The following MRTFA variants were observed in gnomAD, a reference collection of about 807,000 sequenced individuals.
MRTFA encodes the protein myocardin related transcription factor A.
MRTFA carries 20 observed loss-of-function variants against 83.5 expected under a neutral mutation model. That is an observed-to-expected ratio of 0.24 (90% CI 0.17 to 0.35). MRTFA has a LOEUF of 0.35. Among genes scored for constraint, MRTFA ranks in the 10% least tolerant of loss-of-function variants. The pLI, the probability that MRTFA is intolerant of heterozygous loss-of-function variation, is 1.00. For missense variants in MRTFA, 1,200 were observed against 1,224.7 expected (o/e 0.98, Z 0.30); for synonymous variants, 659 against 541.2 (o/e 1.22, Z -3.02).
At chr22:40,498,850 TTGAG>T (rs1331263280) in intron 3 of MRTFA, among the ~76,000 whole-genome samples, 2 of 152,168 alleles carry the variant, frequency 1.3e-5, no homozygotes, top group Non-Finnish European at 2.9e-5. Context: ...AACTCTGGTT[TTGAG>T]TAAGTTACTT....
intron 4 of MRTFA, among the ~76,000 whole-genome samples, chr22:40,460,333 C>G (rs1052455046): frequency 2.6e-5 from 4 of 152,172 alleles, no homozygotes; most frequent in African/African-American, 9.7e-5. Context: ...ACAGGAAAGA[C>G]AGGAAAAAGA....
Position 40,592,456 on chromosome 22 carries a change from TA to T in MRTFA, c.-22+2217del, listed in dbSNP as rs1195055673. Among the ~76,000 whole-genome samples, 848 of 131,872 alleles carry T rather than the reference TA, an allele frequency of 6.4e-3. 1 individual carries two copies. The highest frequency in any genetic ancestry group is 9.8e-3 in the African/African-American group (353 of 36,006). The allele number at this position is 131,872 out of a possible 152,430, so 86.5% of individuals were successfully genotyped here. On this transcript the variant is annotated intron_variant, in intron 2 of 14. Transcript: ENST00000355630. Reference sequence around the variant, plus strand: ...TAAATCAAGACCCTGTCTCTTAACTTAAAAAAAAAAAAAAATCTGTGGACAT... The same window carrying T: ...TAAATCAAGACCCTGTCTCTTAACTTAAAAAAAAAAAAAATCTGTGGACAT...
At chr22:40,449,608 A>C (rs2053450145) in intron 4 of MRTFA, among the ~76,000 whole-genome samples, 1 of 152,214 alleles carries the variant, frequency 6.6e-6, no homozygotes, top group Admixed American at 6.5e-5. Context: ...AATCTAACAA[A>C]GGCAAAGAAG....
chr22:40,524,087 A>C (rs1602381150), intron 3 of MRTFA, among the ~76,000 whole-genome samples: 1 of 152,224 alleles, frequency 6.6e-6, no homozygotes, highest in Non-Finnish European at 1.5e-5. Context: ...GCACTTTCAA[A>C]AAATTAAAAC....
intron 3 of MRTFA, among the ~76,000 whole-genome samples, chr22:40,534,854 G>A (rs759873616): frequency 6.6e-6 from 1 of 152,182 alleles, no homozygotes; most frequent in African/African-American, 2.4e-5. Context: ...ATAGCCCAGC[G>A]AATACCTTAA....
At chr22:40,585,527 A>T (rs1015017868) in intron 2 of MRTFA, among the ~76,000 whole-genome samples, 5 of 152,194 alleles carry the variant, frequency 3.3e-5, no homozygotes, top group Non-Finnish European at 7.3e-5. Flanking sequence ...TGTATATAAT[A>T]CCACTGAACT....
At position 40,416,448 on chromosome 22, in the gene MRTFA, A is replaced by T. The variant is rs552949622; in HGVS notation, c.2578+538T>A. Among the ~76,000 whole-genome samples, 1 of 152,332 alleles carries T rather than the reference A, an allele frequency of 6.6e-6. No individual in the cohort carries two copies. Among genetic ancestry groups the T allele is most frequent in the South Asian group, 2.1e-4 (1 of 4,826 alleles). On this transcript the variant is annotated intron_variant, in intron 14 of 14. Coordinates refer to ENST00000355630, the MANE Select transcript of MRTFA (RefSeq NM_020831.6). The surrounding 1 kb of genome is among the most constrained non-coding windows in gnomAD (Gnocchi z 4.2). ...CGATGGCTTCCCACACAATGGAGCC[A>T]AAGCCACCCTGCCCTGGTGCCCAGG...
At chr22:40,566,345 G>A (rs1447910662) in intron 2 of MRTFA, among the ~76,000 whole-genome samples, 1 of 151,634 alleles carries the variant, frequency 6.6e-6, no homozygotes, top group African/African-American at 2.4e-5. Context: ...TCGGCCTCCT[G>A]AATAGCTGGG....
At chr22:40,457,436 G>GAGAAAGAAAGAAAGAAAGAGAA (rs2053606893) in intron 4 of MRTFA, among the ~76,000 whole-genome samples, 1 of 119,818 alleles carries the variant, frequency 8.3e-6, no homozygotes, top group Non-Finnish European at 1.7e-5. Context: ...AAGAAAGAAA[G>GAGAAAGAAAGAAAGAAAGAGAA]AGAAAGAAAG....
At chr22:40,486,586 A>G (rs2054178245) in intron 3 of MRTFA, among the ~76,000 whole-genome samples, 1 of 152,232 alleles carries the variant, frequency 6.6e-6, no homozygotes, top group Non-Finnish European at 1.5e-5. Context: ...ATATTTCCAT[A>G]CTAAGACATT....
At chr22:40,436,664 G>C (rs758146961) in intron 4 of MRTFA, among the ~76,000 whole-genome samples, 19 of 152,194 alleles carry the variant, frequency 1.2e-4, no homozygotes, top group Non-Finnish European at 2.6e-4. Flanking sequence ...AGGACAAATA[G>C]CAACTTAAGA....
intron 3 of MRTFA, among the ~76,000 whole-genome samples, chr22:40,549,626 A>G (rs1238686729): frequency 6.6e-6 from 1 of 152,250 alleles, no homozygotes; most frequent in Non-Finnish European, 1.5e-5. Flanking sequence ...CTCACTAAGC[A>G]GTAGTTACTA....
chr22:40,487,433 C>G (rs922584460), intron 3 of MRTFA, among the ~76,000 whole-genome samples: 6 of 152,120 alleles, frequency 3.9e-5, no homozygotes, highest in African/African-American at 1.4e-4. Flanking sequence ...ATGAGAAGAA[C>G]TAGTGTGCCA....
At chr22:40,610,286 G>A (rs1438906484) in intron 1 of MRTFA, among the ~76,000 whole-genome samples, 2 of 152,006 alleles carry the variant, frequency 1.3e-5, no homozygotes, top group Non-Finnish European at 2.9e-5. Context: ...GACCTGAGAT[G>A]ATCCACCAGC....
At chr22:40,540,925 G>C (rs1188927601) in intron 3 of MRTFA, among the ~76,000 whole-genome samples, 1 of 151,904 alleles carries the variant, frequency 6.6e-6, no homozygotes, top group Non-Finnish European at 1.5e-5. Context: ...AAATTCAAAT[G>C]GCATAGGAAA....
intron 2 of MRTFA, among the ~76,000 whole-genome samples, chr22:40,559,222 T>C (rs1286834402): frequency 6.6e-6 from 1 of 152,132 alleles, no homozygotes; most frequent in Non-Finnish European, 1.5e-5. Flanking sequence ...AAACCCCGTC[T>C]CTACAAAACA....
At chr22:40,574,997 T>A (rs770353073) in intron 2 of MRTFA, among the ~76,000 whole-genome samples, 2 of 152,160 alleles carry the variant, frequency 1.3e-5, no homozygotes, top group Non-Finnish European at 2.9e-5. Context: ...GACTATAAGC[T>A]AGAAATAGGA....
intron 1 of MRTFA, among the ~76,000 whole-genome samples, chr22:40,635,920 A>T (rs2056692187): frequency 6.6e-6 from 1 of 152,138 alleles, no homozygotes; most frequent in South Asian, 2.1e-4. Context: ...CGAAGCGGGG[A>T]GGGTGGACTG....
intron 3 of MRTFA, among the ~76,000 whole-genome samples, chr22:40,493,447 G>A (rs1025859340): frequency 2.0e-5 from 3 of 152,198 alleles, no homozygotes; most frequent in Non-Finnish European, 4.4e-5. Flanking sequence ...TACTCACAGG[G>A]CCAACAGGGG....
Sources: allele counts gnomAD v4.1 joint callset (sites outside exome capture counted in the v4.1 genomes callset), GRCh38; gene constraint gnomAD v4.1.1; non-coding constraint Gnocchi (gnomAD v3.1); transcripts MANE v1.5; gene names NCBI Gene and HGNC (gene_info 2026-07-23, HGNC 2026-07-21).